Variants in PAG1 observed in about 807,000 individuals in gnomAD.
The protein encoded by PAG1 is phosphoprotein membrane anchor with glycosphingolipid microdomains 1.
In PAG1, 23 loss-of-function variants were observed where a neutral mutation model predicts 31.7. The ratio of observed to expected loss-of-function variants is 0.73; its 90% CI spans 0.52 to 1.03. PAG1 has a LOEUF of 1.03. Among genes scored for constraint, PAG1 ranks in the 50% least tolerant of loss-of-function variants. PAG1 has a pLI of 0.00. For synonymous variants in PAG1, 214 were observed against 210.3 expected, an observed-to-expected ratio of 1.02 and a Z score of -0.15; for missense variants, 473 against 540.7, an observed-to-expected ratio of 0.87 and a Z score of 1.24.
chr8:81,079,783 T>A (rs922595672), intron 1 of PAG1, among the ~76,000 whole-genome samples: 7 of 152,214 alleles, frequency 4.6e-5, no homozygotes, highest in Admixed American at 3.9e-4. Context: ...TTATTTATTT[T>A]TTTGAGACAG....
At chr8:81,087,962 GA>G (rs986535126) in intron 1 of PAG1, among the ~76,000 whole-genome samples, 19 of 151,964 alleles carry the variant, frequency 1.3e-4, no homozygotes, top group African/African-American at 3.6e-4. Context: ...TCAGTGGGGG[GA>G]AAAAATACTG....
chr8:81,047,700 T>C (rs931241081), intron 2 of PAG1, among the ~76,000 whole-genome samples: 1 of 152,208 alleles, frequency 6.6e-6, no homozygotes, highest in African/African-American at 2.4e-5. Context: ...TAGCTTCTAA[T>C]GTAACCACAA....
chr8:80,980,364 T>G, intron 8 of PAG1, 71 bp downstream of exon 8: 3 of 824,432 alleles, frequency 3.6e-6, no homozygotes, highest in Admixed American at 3.7e-5. Flanking sequence ...AACATTACAG[T>G]GCATTTATTC....
Position 80,991,507 on chromosome 8 carries a change from C to A in PAG1, c.149G>T (p.Ser50Ile), listed in dbSNP as rs767540380. 6.2e-7 allele frequency: 1 copy of A among 1,613,816 alleles called. No homozygotes were observed. The highest frequency in any genetic ancestry group is 2.2e-5 in the East Asian group (1 of 44,886). ...GTTCATCAGGTTCTCATGGTCCCCACTATGCTGTCGCGGCTTCTTTTCCCT... is the reference window on the plus strand; with the variant it reads ...GTTCATCAGGTTCTCATGGTCCCCAATATGCTGTCGCGGCTTCTTTTCCCT... ...CDREKKPRQHSGDHENLMNVP... is the reference protein window; with the variant it reads ...CDREKKPRQHIGDHENLMNVP... The change falls in exon 5 of 9, where the codon AGT (serine) becomes ATT (isoleucine). Residue 50 changes from serine (S) to isoleucine (I), a missense_variant. Coordinates refer to ENST00000220597, the MANE Select transcript of PAG1 (RefSeq NM_018440.4).
At chr8:81,051,967 A>G (rs1487709228) in intron 2 of PAG1, among the ~76,000 whole-genome samples, 1 of 151,926 alleles carries the variant, frequency 6.6e-6, no homozygotes, top group Non-Finnish European at 1.5e-5. Flanking sequence ...CGTCTCTACT[A>G]AAAATACAAA....
At chr8:81,073,520 T>C (rs1809126933) in intron 1 of PAG1, among the ~76,000 whole-genome samples, 1 of 152,206 alleles carries the variant, frequency 6.6e-6, no homozygotes, top group South Asian at 2.1e-4. Context: ...GCCTTGTCTA[T>C]TCAAAAAGAC....
At chr8:81,086,051 G>C (rs1169504419) in intron 1 of PAG1, among the ~76,000 whole-genome samples, 29 of 121,796 alleles carry the variant, frequency 2.4e-4, no homozygotes, top group Admixed American at 9.0e-4. Context: ...GCGCGATCTC[G>C]GCTCACTGCA....
intron 3 of PAG1, among the ~76,000 whole-genome samples, chr8:81,014,181 T>G (rs1808033349): frequency 6.6e-6 from 1 of 152,156 alleles, no homozygotes; most frequent in Admixed American, 6.5e-5. Context: ...GTCATCAAAT[T>G]TAGAATATCA....
At chr8:81,065,094 G>T (rs1586198186) in intron 2 of PAG1, among the ~76,000 whole-genome samples, 1 of 152,188 alleles carries the variant, frequency 6.6e-6, no homozygotes, top group Admixed American at 6.5e-5. Flanking sequence ...GCTCTTGGGG[G>T]GAGGCGCTCA....
At chr8:81,065,906 C>T (rs1001770145) in intron 2 of PAG1, among the ~76,000 whole-genome samples, 1 of 151,822 alleles carries the variant, frequency 6.6e-6, no homozygotes, top group African/African-American at 2.4e-5. Flanking sequence ...TTTAGGATTA[C>T]ACTTGACTTA....
At chr8:81,058,146 T>C (rs1808858629) in intron 2 of PAG1, among the ~76,000 whole-genome samples, 2 of 152,164 alleles carry the variant, frequency 1.3e-5, no homozygotes, top group South Asian at 4.1e-4. Flanking sequence ...TGTTCATTTT[T>C]CCCCAATCCT....
At chr8:81,084,107 T>C (rs1809313566) in intron 1 of PAG1, among the ~76,000 whole-genome samples, 1 of 152,132 alleles carries the variant, frequency 6.6e-6, no homozygotes, top group Admixed American at 6.5e-5. Context: ...GGTAACTCAC[T>C]ATTGTGTGTT....
intron 2 of PAG1, among the ~76,000 whole-genome samples, chr8:81,052,013 C>A (rs1808740005): frequency 6.6e-6 from 1 of 151,606 alleles, no homozygotes; most frequent in Admixed American, 6.6e-5. Flanking sequence ...GCCTGTAGTC[C>A]CAGCTACTCG....
intron 1 of PAG1, among the ~76,000 whole-genome samples, chr8:81,088,060 A>C (rs1057194282): frequency 2.6e-5 from 4 of 152,118 alleles, no homozygotes; most frequent in African/African-American, 9.7e-5. Flanking sequence ...TTTTTTCCCC[A>C]AAAATAACTC....
At chr8:81,002,533 G>A (rs1807805133) in intron 3 of PAG1, among the ~76,000 whole-genome samples, 1 of 152,212 alleles carries the variant, frequency 6.6e-6, no homozygotes, top group South Asian at 2.1e-4. Context: ...TGTCAACAGA[G>A]GAGTTTGTAA....
At chr8:81,045,512 G>C (rs1466415754) in intron 2 of PAG1, among the ~76,000 whole-genome samples, 1 of 152,202 alleles carries the variant, frequency 6.6e-6, no homozygotes, top group Non-Finnish European at 1.5e-5. Context: ...TAGTTGCCTA[G>C]AGCTGGAAGG....
rs372491992 is a variant in PAG1, at chr8:80,985,004, G to C, written c.648C>G (p.Pro216=). 31 of 1,613,870 alleles carry C rather than the reference G, an allele frequency of 1.9e-5. No individual in the cohort carries two copies. The highest frequency in any genetic ancestry group is 5.1e-6 in the Non-Finnish European group (6 of 1,179,990). ...STSASKELPG[P]QTEGKAEFAE... ...CAAACTCAGCTTTGCCTTCAGTCTG[G>C]GGCCCTGGGAGCTCTTTCGAGGCAG... The change falls in exon 7 of 9, where the codon CCC becomes CCG. Residue 216 remains proline (P), a synonymous_variant. Coordinates refer to ENST00000220597, the MANE Select transcript of PAG1 (RefSeq NM_018440.4).
chr8:81,015,586 G>T lies in PAG1; in HGVS notation c.-81+14410C>A, dbSNP rs74988548. On this transcript the variant is annotated intron_variant, in intron 3 of 8. Coordinates refer to ENST00000220597, the MANE Select transcript of PAG1 (RefSeq NM_018440.4). ...TATTCTATAAAAGTAAGCAATTAAA[G>T]AATTTGGCTTAAAATCTGATTTCTA... 2.6e-3 allele frequency among the ~76,000 whole-genome samples: 392 copies of T among 152,282 alleles called. 1 individual carries two copies. Among genetic ancestry groups the T allele is most frequent in the African/African-American group, 9.1e-3 (377 of 41,574 alleles).
At chr8:81,030,693 C>T (rs932507245) in intron 2 of PAG1, among the ~76,000 whole-genome samples, 2 of 152,206 alleles carry the variant, frequency 1.3e-5, no homozygotes, top group Admixed American at 6.5e-5. Flanking sequence ...ACTTCCCTCG[C>T]TCTCCCTCCT....
Sources: allele counts gnomAD v4.1 joint callset (sites outside exome capture counted in the v4.1 genomes callset), GRCh38; gene constraint gnomAD v4.1.1; transcripts MANE v1.5; gene names NCBI Gene and HGNC (gene_info 2026-07-23, HGNC 2026-07-21).